Variants in LINGO2 observed in about 807,000 individuals in gnomAD.
LINGO2 encodes leucine-rich repeat and immunoglobulin-like domain-containing nogo receptor-interacting protein 2.
Under a neutral mutation model 30.6 loss-of-function variants are expected in LINGO2, and 14 were observed. That is an observed-to-expected ratio of 0.46 (90% CI 0.30 to 0.72). The LOEUF is 0.72. Ranked by LOEUF, LINGO2 falls within the 30% of genes least tolerant of loss-of-function variation. The pLI is 0.07. For missense variants in LINGO2, 729 were observed against 751.7 expected (o/e 0.97, Z 0.35); for synonymous variants, 317 against 288.5 (o/e 1.10, Z -1.00).
chr9:28,148,377 A>ACCTTG lies in LINGO2; in HGVS notation c.-86-135973_-86-135972insCAAGG, dbSNP rs1481255617. 1.8e-5 allele frequency: 21 copies of ACCTTG among 1,147,850 alleles called. No individual in the cohort carries two copies. In the Admixed American group the frequency reaches 4.2e-4, roughly 23 times the overall value. The allele number at this position is 1,147,850 out of a possible 1,614,324, so 71.1% of individuals were successfully genotyped here. A position where few individuals can be genotyped will look rare whatever the true frequency, so the allele number is the denominator to read the frequency against. ...ATTCCTCATCTCAGAGGCAAGTTTAACCTTCAACTTCCTTCATTAGATGAG... is the reference window on the plus strand; with the variant it reads ...ATTCCTCATCTCAGAGGCAAGTTTAACCTTGCCTTCAACTTCCTTCATTAGATGAG... On this transcript the variant is annotated intron_variant, in intron 4 of 5. Transcript: ENST00000379992. The surrounding 1 kb of genome is among the most constrained non-coding windows in gnomAD (Gnocchi z 5.1).
intron 3 of LINGO2, among the ~76,000 whole-genome samples, chr9:28,350,039 A>T (rs1355943495): frequency 3.3e-5 from 5 of 152,006 alleles, no homozygotes; most frequent in Non-Finnish European, 7.4e-5. Flanking sequence ...CAGCCGCTGC[A>T]AAATCATGCC....
the LINGO2 span, among the ~76,000 whole-genome samples, chr9:28,879,284 A>T: frequency 6.6e-6 from 1 of 152,130 alleles, no homozygotes; most frequent in Non-Finnish European, 1.5e-5. Context: ...ACAAGGGTCT[A>T]TTCTAAAATG....
chr9:29,213,542 C>G, the LINGO2 span, among the ~76,000 whole-genome samples: 3 of 152,058 alleles, frequency 2.0e-5, no homozygotes, highest in African/African-American at 7.2e-5. Flanking sequence ...CAAGGCGGGA[C>G]GCAGGATAGC....
At position 28,078,099 on chromosome 9, in the gene LINGO2, A is replaced by G. The variant is rs185873813; in HGVS notation, c.-86-65694T>C. Among the ~76,000 whole-genome samples the G allele has an allele frequency of 1.9e-3, 278 of 149,498 alleles. 6 individuals are homozygous for G. Among genetic ancestry groups the G allele is most frequent in the Middle Eastern group, 0.014 (4 of 294 alleles). On this transcript the variant is annotated intron_variant, in intron 4 of 5. Transcript: ENST00000379992. ...TTGCCTTAAAATATGCTGGTAATGT[A>G]TTGACAGAGAAAAACATAACCCTTT...
At chr9:28,079,759 T>C (rs1292332750) in intron 4 of LINGO2, among the ~76,000 whole-genome samples, 3 of 152,182 alleles carry the variant, frequency 2.0e-5, no homozygotes, top group Admixed American at 6.5e-5. Context: ...TGGTGGAAAC[T>C]TCCAAATGCA....
chr9:28,955,823 T>C, the LINGO2 span, among the ~76,000 whole-genome samples: 1 of 152,038 alleles, frequency 6.6e-6, no homozygotes, highest in Non-Finnish European at 1.5e-5. Flanking sequence ...TATGTATGTA[T>C]GTAGAGATAA....
the LINGO2 span, chr9:27,942,550 C>T: frequency 6.6e-6 from 1 of 152,002 alleles, no homozygotes; most frequent in Admixed American, 6.6e-5. Flanking sequence ...AGATGCAAAC[C>T]TAAATCAAGA....
the LINGO2 span, among the ~76,000 whole-genome samples, chr9:28,787,194 A>C: frequency 8.5e-5 from 13 of 152,184 alleles, no homozygotes; most frequent in African/African-American, 2.7e-4. Flanking sequence ...GAGGGGAATA[A>C]ATCCATCCAG....
the LINGO2 span, among the ~76,000 whole-genome samples, chr9:28,721,887 T>C: frequency 3.9e-5 from 6 of 152,196 alleles, no homozygotes; most frequent in African/African-American, 1.4e-4. Flanking sequence ...TGGGCTCTTG[T>C]TAAAATAGCC....
chr9:28,420,968 C>T (rs1331914), intron 2 of LINGO2, among the ~76,000 whole-genome samples: 140,360 of 152,074 alleles, frequency 0.92, 64,838 homozygotes, highest in East Asian at 1. Context: ...TCAAAGATTC[C>T]TGAAATGTTT....
intron 1 of LINGO2, among the ~76,000 whole-genome samples, chr9:28,530,013 T>C (rs1005881709): frequency 8.5e-5 from 13 of 152,088 alleles, no homozygotes; most frequent in African/African-American, 2.4e-4. Flanking sequence ...CATCGTGTTA[T>C]GATTAAGGTT....
chr9:28,262,561 T>G (rs1162720673), intron 4 of LINGO2, among the ~76,000 whole-genome samples: 5 of 152,004 alleles, frequency 3.3e-5, no homozygotes, highest in Admixed American at 3.3e-4. Flanking sequence ...CAGTGGTAAA[T>G]TCTTTATTGG....
At chr9:29,201,259 A>T in the LINGO2 span, among the ~76,000 whole-genome samples, 4 of 152,074 alleles carry the variant, frequency 2.6e-5, no homozygotes, top group South Asian at 8.3e-4. Context: ...CATTCATTTG[A>T]TCATGTGTTT....
chr9:29,136,748 T>C, the LINGO2 span, among the ~76,000 whole-genome samples: 3 of 152,122 alleles, frequency 2.0e-5, no homozygotes, highest in African/African-American at 7.2e-5. Flanking sequence ...ATGCATAATA[T>C]AGTCCATAAC....
the LINGO2 span, among the ~76,000 whole-genome samples, chr9:28,892,670 C>T: frequency 6.6e-6 from 1 of 151,882 alleles, no homozygotes; most frequent in South Asian, 2.1e-4. Flanking sequence ...GATTTTATTA[C>T]TTGGCATAAG....
Position 28,385,141 on chromosome 9 carries a change from T to C in LINGO2, c.-278-12273A>G, listed in dbSNP as rs764816091. Among the ~76,000 whole-genome samples the C allele has an allele frequency of 5.3e-5, 8 of 152,300 alleles. No individual in the cohort carries two copies. The East Asian group carries it at 1.5e-3, about 29-fold the overall frequency. ...GGACGCTGACCTCTAGTGAGATGCA[T>C]TGAAGACTTCTAAGAATATGTTTTT... is the stretch of plus-strand genomic sequence containing the variant. On this transcript the variant is annotated intron_variant, in intron 2 of 5. Coordinates refer to ENST00000379992, the Ensembl canonical transcript of LINGO2.
chr9:28,174,010 G>T (rs1828674555), intron 4 of LINGO2, among the ~76,000 whole-genome samples: 1 of 152,140 alleles, frequency 6.6e-6, no homozygotes, highest in African/African-American at 2.4e-5. Flanking sequence ...ATATAAAGTT[G>T]AGGTCTTTTC....
At chr9:28,929,753 T>A in the LINGO2 span, among the ~76,000 whole-genome samples, 1 of 152,180 alleles carries the variant, frequency 6.6e-6, no homozygotes. Flanking sequence ...TACGTTAATA[T>A]TTTTATAGCT....
chr9:28,100,954 A>G (rs187408011), intron 4 of LINGO2, among the ~76,000 whole-genome samples: 42 of 152,248 alleles, frequency 2.8e-4, no homozygotes, highest in Admixed American at 1.9e-3. Context: ...CGGTCAATAT[A>G]TGAGTAAATG....
Sources: allele counts gnomAD v4.1 joint callset (sites outside exome capture counted in the v4.1 genomes callset), GRCh38; gene constraint gnomAD v4.1.1; non-coding constraint Gnocchi (gnomAD v3.1); transcripts MANE v1.5; gene names NCBI Gene and HGNC (gene_info 2026-07-23, HGNC 2026-07-21).